IDH3G: variants seen among roughly 807,000 people sequenced by gnomAD.
IDH3G encodes the protein isocitrate dehydrogenase [NAD] subunit gamma, mitochondrial.
In IDH3G, 9 loss-of-function variants were observed where a neutral mutation model predicts 26.9. The ratio of observed to expected loss-of-function variants is 0.34; its 90% confidence interval spans 0.20 to 0.58. The LOEUF (loss-of-function observed/expected upper bound fraction) is 0.58. Among genes scored for constraint, IDH3G ranks in the 20% least tolerant of loss-of-function variants. IDH3G has a pLI of 0.85. For synonymous variants in IDH3G, 181 were observed against 160.0 expected (o/e 1.13, Z -0.99); for missense variants, 250 against 372.8 (o/e 0.67, Z 2.71).
chrX:153,788,662 G>A (rs1293107496), intron 5 of IDH3G, among the ~76,000 whole-genome samples: 1 of 112,973 alleles, frequency 8.9e-6, no homozygotes, highest in African/African-American at 3.2e-5. Context: ...GCAGTCAGAG[G>A]GCGCCAAGCA....
At chrX:153,789,671 A>C in intron 5 of IDH3G, 41 bp downstream of exon 5, 3 of 778,664 alleles carry the variant, frequency 3.9e-6, no homozygotes, top group Non-Finnish European at 5.7e-6. Context: ...GAAAGAAATC[A>C]CACCTAGGGC....
Position 153,787,897 on chromosome X carries a change from TCAC to T in IDH3G, c.463_465del (p.Val155del), listed in dbSNP as rs782384807. The T allele has an allele frequency of 8.3e-7, 1 of 1,210,488 alleles. No homozygotes were observed. The highest frequency in any genetic ancestry group is 1.1e-6 in the Non-Finnish European group (1 of 894,379). The stretch of plus-strand genomic sequence containing the variant: ...AGGATGTCTATGTCCTTGTGCCGGG[TCAC>T]CACGCCTGGAAGGCTCTTACAGTGG... On this transcript the variant is annotated inframe_deletion, in exon 7 of 13. Coordinates refer to ENST00000217901, the MANE Select transcript of IDH3G (RefSeq NM_004135.4).
At position 153,786,410 on chromosome X, in the gene IDH3G, T is replaced by G; in HGVS notation, c.964A>C (p.Ile322Leu). The change falls in exon 11 of 13, where the codon ATC becomes CTC. Residue 322 changes from isoleucine (I) to leucine (L), a missense_variant. This residue lies in a region of IDH3G where 201 missense variants were observed against 331.3 expected (regional missense o/e 0.61). Coordinates refer to ENST00000217901, the MANE Select transcript of IDH3G (RefSeq NM_004135.4). ...AGCAGGGTGGCCGTGGGGTTGGCGA[T>G]GTTCTTATTGGCGATACTCTTGCCG... is the stretch of plus-strand genomic sequence containing the variant. The part of the protein sequence containing the change: ...NTGKSIANKN[I>L]ANPTATLLAS... The G allele has an allele frequency of 8.3e-7, 1 of 1,202,650 alleles. No individual in the cohort carries two copies.
At chrX:153,789,437 G>A (rs113066992) in intron 5 of IDH3G, among the ~76,000 whole-genome samples, 121 of 112,392 alleles carry the variant, frequency 1.1e-3, no homozygotes, top group African/African-American at 3.6e-3. Flanking sequence ...TCAGCTACTC[G>A]GGAGGCTGAG....
In IDH3G at chrX:153,786,387, C is replaced by A. The variant is rs1557069181; in HGVS notation, c.987G>T (p.Leu329=). 1.7e-6 allele frequency: 2 copies of A among 1,208,258 alleles called. No homozygotes were observed. Among genetic ancestry groups the A allele is most frequent in the Non-Finnish European group, 1.1e-6 (1 of 893,574 alleles). ...GGTCCAGCATCATGCAGCTGGCCAG[C>A]AGGGTGGCCGTGGGGTTGGCGATGT... ...NKNIANPTAT[L]LASCMMLDHL... The change falls in exon 11 of 13, where the codon CTG becomes CTT. Residue 329 remains leucine (L), a synonymous_variant. Coordinates refer to ENST00000217901, the MANE Select transcript of IDH3G (RefSeq NM_004135.4).
intron 7 of IDH3G, 74 bp from the exon 8 acceptor site, chrX:153,787,671 G>A (rs1012900152): frequency 4.9e-5 from 57 of 1,151,815 alleles, no homozygotes; most frequent in Non-Finnish European, 5.8e-5. Context: ...TGGCGCGACC[G>A]GGCCACCGTG....
chrX:153,794,288 C>G lies in IDH3G; in HGVS notation c.39G>C (p.Ala13=), dbSNP rs782098909. 29 of 1,199,378 alleles carry G rather than the reference C, an allele frequency of 2.4e-5. No homozygotes were observed. The highest frequency in any genetic ancestry group is 2.9e-5 in the Non-Finnish European group (26 of 890,803). The change falls in exon 1 of 13, where the codon GCG becomes GCC. Residue 13 remains alanine (A), a synonymous_variant. Transcript: ENST00000217901. ...LKVATVAGSA[A]KAVLGPALLC... ...GAAGGGCTGGCCCGAGCACCGCCTT[C>G]GCGGCGCTGCCGGCGACGGTCGCTA...
chrX:153,793,378 T>C (rs1041625650), intron 1 of IDH3G: 9 of 111,991 alleles, frequency 8.0e-5, no homozygotes, highest in African/African-American at 2.9e-4. Flanking sequence ...CAAGTAGAGA[T>C]GTCCCTGGGG....
In IDH3G at chrX:153,794,229, G is replaced by A. The variant is rs2092123282; in HGVS notation, c.81+17C>T. ...CTGCGACCGCTGCCGCGGTCCCGTG[G>A]CTCTTTCCCTGCTCACCTCCCAGGG... On this transcript the variant is annotated intron_variant, in intron 1 of 12. Coordinates refer to ENST00000217901, the MANE Select transcript of IDH3G (RefSeq NM_004135.4). 8.5e-7 allele frequency: 1 copy of A among 1,176,829 alleles called. No individual in the cohort carries two copies. Among genetic ancestry groups the A allele is most frequent in the Non-Finnish European group, 1.1e-6 (1 of 877,213 alleles).
chrX:153,793,958 G>A (rs111581005), intron 1 of IDH3G: 184 of 249,277 alleles, frequency 7.4e-4, no homozygotes, highest in African/African-American at 3.5e-3. Flanking sequence ...CCTCAGAAGG[G>A]CTCCTTCAAG....
chrX:153,787,013 C>T (rs2092091186), intron 9 of IDH3G, 38 bp downstream of exon 9: 1 of 1,190,264 alleles, frequency 8.4e-7, no homozygotes, highest in African/African-American at 1.7e-5. Flanking sequence ...AAGCCCAGGG[C>T]ACTCAGGGCA....
intron 5 of IDH3G, among the ~76,000 whole-genome samples, 154 bp downstream of exon 5, chrX:153,789,554 CAAGA>C (rs1557069952): frequency 8.9e-6 from 1 of 112,200 alleles, no homozygotes; most frequent in African/African-American, 3.2e-5. Context: ...AGAAAGAACG[CAAGA>C]AAGAAAGCAA....
At chrX:153,786,119 C>G in intron 12 of IDH3G, 93 bp downstream of exon 12, 1 of 1,196,957 alleles carries the variant, frequency 8.4e-7, no homozygotes, top group Non-Finnish European at 1.1e-6. Flanking sequence ...CCATCCTCCC[C>G]TGGGGGCTGT....
At chrX:153,786,497 G>C (rs781817649) in intron 10 of IDH3G, 48 bp from the exon 11 acceptor site, 4 of 972,428 alleles carry the variant, frequency 4.1e-6, no homozygotes, top group Non-Finnish European at 1.4e-6. Context: ...GAAGGATGCC[G>C]GGCAGTGACT....
intron 7 of IDH3G, 52 bp from the exon 8 acceptor site, chrX:153,787,649 G>A: frequency 1.7e-6 from 2 of 1,180,649 alleles, no homozygotes; most frequent in East Asian, 3.0e-5. Flanking sequence ...GAGCAGCACT[G>A]GCCAAACAAG....
chrX:153,791,767 A>G (rs2092110194), intron 1 of IDH3G, among the ~76,000 whole-genome samples: 1 of 112,521 alleles, frequency 8.9e-6, no homozygotes, highest in Non-Finnish European at 1.9e-5. Context: ...CCTTCCAGCT[A>G]GAAGTCCAGA....
chrX:153,789,244 G>T (rs1232474285), intron 5 of IDH3G: 1 of 338,071 alleles, frequency 3.0e-6, no homozygotes, highest in Non-Finnish European at 5.9e-6. Context: ...AGCTCAGAGG[G>T]AGGTAAAAGA....
chrX:153,786,163 A>G, intron 12 of IDH3G, 49 bp downstream of exon 12: 1 of 1,205,219 alleles, frequency 8.3e-7, no homozygotes, highest in Non-Finnish European at 1.1e-6. Flanking sequence ...AGGAGGCTGC[A>G]GGGGGAGACT....
chrX:153,788,619 A>G (rs2148444670), intron 5 of IDH3G, among the ~76,000 whole-genome samples: 1 of 112,838 alleles, frequency 8.9e-6, no homozygotes, highest in Non-Finnish European at 1.9e-5. Context: ...CACCTGGAGG[A>G]AGGGAAGCAG....
Sources: gnomAD v4.1 joint callset for allele counts (sites outside exome capture counted in the v4.1 genomes callset) on GRCh38, gnomAD v4.1.1 for gene constraint, gnomAD v4.1.1 regional missense constraint, MANE v1.5 for transcripts, NCBI Gene and HGNC (gene_info 2026-07-23, HGNC 2026-07-21) for gene names.